Variants in VCF1 observed in about 807,000 individuals in gnomAD.
VCF1 encodes the protein protein VCF1.
At chr17:73,220,894 ATTTTTTT>A in the VCF1 span, among the ~76,000 whole-genome samples, 4 of 96,658 alleles carry the variant, frequency 4.1e-5, no homozygotes, top group Admixed American at 1.2e-4. Context: ...TTTAATTTAG[ATTTTTTT>A]TTTTTTTTTT....
the VCF1 span, chr17:73,208,463 A>C: frequency 5.0e-6 from 8 of 1,613,502 alleles, no homozygotes; most frequent in South Asian, 8.8e-5. Context: ...ATGGCAACAC[A>C]TCTGTCTCTC....
chr17:73,222,506 G>A, the VCF1 span, among the ~76,000 whole-genome samples: 6 of 152,060 alleles, frequency 3.9e-5, no homozygotes, highest in African/African-American at 9.7e-5. Context: ...GGCTGGGCGC[G>A]GTGGCTCACG....
the VCF1 span, chr17:73,232,075 T>C: frequency 7.4e-3 from 11,830 of 1,593,446 alleles, 84 homozygotes; most frequent in South Asian, 0.02. Flanking sequence ...AGGGGGTCCC[T>C]TCCCTCTCAC....
At chr17:73,222,919 C>A in the VCF1 span, among the ~76,000 whole-genome samples, 1 of 152,194 alleles carries the variant, frequency 6.6e-6, no homozygotes, top group African/African-American at 2.4e-5. Context: ...ACAACCACAC[C>A]CTGGGGCTCC....
chr17:73,214,880 T>C, the VCF1 span, among the ~76,000 whole-genome samples: 984 of 152,354 alleles, frequency 6.5e-3, 9 homozygotes, highest in African/African-American at 0.023. Context: ...CCCACTCTTA[T>C]GATCCTGATT....
chr17:73,226,919 C>A, the VCF1 span, among the ~76,000 whole-genome samples: 1 of 152,142 alleles, frequency 6.6e-6, no homozygotes, highest in Non-Finnish European at 1.5e-5. Flanking sequence ...CAAAAAGCCA[C>A]GAAATTTCTA....
the VCF1 span, among the ~76,000 whole-genome samples, chr17:73,219,191 C>CAA: frequency 0.013 from 528 of 39,200 alleles, 5 homozygotes; most frequent in South Asian, 0.037. Flanking sequence ...AACTCCGTCT[C>CAA]AAAAAAAAAA....
At chr17:73,225,899 A>ATATATATAATATATATATATAT in the VCF1 span, among the ~76,000 whole-genome samples, 1 of 114,862 alleles carries the variant, frequency 8.7e-6, no homozygotes, top group African/African-American at 3.8e-5. Context: ...ATATATATAT[A>ATATATATAATATATATATATAT]TTTTTTTTTT....
At chr17:73,209,479 A>T in the VCF1 span, 1 of 1,525,502 alleles carries the variant, frequency 6.6e-7, no homozygotes, top group East Asian at 2.5e-5. Flanking sequence ...TTGAAATATC[A>T]AATCTGCACA....
At chr17:73,219,212 A>AAAG in the VCF1 span, among the ~76,000 whole-genome samples, 1 of 150,160 alleles carries the variant, frequency 6.7e-6, no homozygotes. Context: ...AAAAAAAAAA[A>AAAG]ACGACGAAAC....
At chr17:73,227,654 A>G in the VCF1 span, 1 of 986,628 alleles carries the variant, frequency 1.0e-6, no homozygotes, top group Non-Finnish European at 1.2e-6. Flanking sequence ...ACTCCCTTCC[A>G]TATGACAACA....
chr17:73,209,709 C>T, the VCF1 span: 77 of 1,547,126 alleles, frequency 5.0e-5, no homozygotes, highest in Non-Finnish European at 6.4e-5. Flanking sequence ...TGGCCCTGTC[C>T]GGGCTATTGA....
the VCF1 span, chr17:73,232,355 T>C: frequency 2.7e-6 from 4 of 1,501,876 alleles, no homozygotes; most frequent in Non-Finnish European, 3.6e-6. Flanking sequence ...AGTGGCACCA[T>C]CCCAACCGCA....
At chr17:73,227,698 C>T in the VCF1 span, 516,300 of 980,778 alleles carry the variant, frequency 0.53, 136,871 homozygotes, top group East Asian at 0.6. Flanking sequence ...TGCCTATTTG[C>T]CCTGAAAACC....
chr17:73,228,320 A>G, the VCF1 span, among the ~76,000 whole-genome samples: 164 of 152,402 alleles, frequency 1.1e-3, no homozygotes, highest in Non-Finnish European at 1.9e-3. Flanking sequence ...CTTGGAAAGC[A>G]TGTACATTTG....
the VCF1 span, among the ~76,000 whole-genome samples, chr17:73,215,021 G>C: frequency 1.3e-5 from 2 of 152,174 alleles, no homozygotes; most frequent in African/African-American, 4.8e-5. Context: ...ACAATCCAAA[G>C]AGAATAAAGC....
the VCF1 span, among the ~76,000 whole-genome samples, chr17:73,230,406 T>A: frequency 2.9e-5 from 1 of 34,066 alleles, no homozygotes. Context: ...CTGAAAACCC[T>A]TTTTTTTTTT....
the VCF1 span, chr17:73,232,286 G>T: frequency 2.3e-5 from 37 of 1,597,850 alleles, no homozygotes; most frequent in South Asian, 3.8e-4. Flanking sequence ...TACTTCCGGC[G>T]TCTGCTCCGC....
chr17:73,229,115 G>A, the VCF1 span: 1 of 981,966 alleles, frequency 1.0e-6, no homozygotes, highest in Non-Finnish European at 1.2e-6. Flanking sequence ...TAATCTCTGG[G>A]AGAGTCACAT....
Sources: gnomAD v4.1 joint callset for allele counts (sites outside exome capture counted in the v4.1 genomes callset) on GRCh38, gnomAD v4.1.1 for gene constraint, MANE v1.5 for transcripts, NCBI Gene and HGNC (gene_info 2026-07-23, HGNC 2026-07-21) for gene names.